The following RANBP3 variants were observed in gnomAD, a reference collection of about 807,000 sequenced individuals.
The protein encoded by RANBP3 is RAN binding protein 3.
Under a neutral mutation model 77.3 loss-of-function variants are expected in RANBP3, and 14 were observed. The ratio of observed to expected loss-of-function variants is 0.18; its 90% CI spans 0.12 to 0.28. RANBP3 has a LOEUF of 0.28. Among genes scored for constraint, RANBP3 ranks in the 10% least tolerant of loss-of-function variants. The pLI is 1.00. For missense variants in RANBP3, 586 were observed against 752.3 expected (o/e 0.78, Z 2.59); for synonymous variants, 315 against 312.4 (o/e 1.01, Z -0.09).
intron 1 of RANBP3, among the ~76,000 whole-genome samples, chr19:5,973,316 C>T (rs575780932): frequency 2.0e-5 from 3 of 152,316 alleles, no homozygotes; most frequent in African/African-American, 4.8e-5. Flanking sequence ...AAAAATCTCT[C>T]GACTCATACC....
chr19:5,921,065 A>G lies in RANBP3; in HGVS notation c.1330+136T>C. ...GGAGGGGGTTTGGGGGGCGGCTCTC[A>G]TGGGAGACCGACTCTGTGCCTTGAC... On this transcript the variant is annotated intron_variant, in intron 14 of 16. Transcript: ENST00000340578. The surrounding 1 kb of genome is among the most constrained non-coding windows in gnomAD (Gnocchi z 5.3). 8.4e-7 allele frequency: 1 copy of G among 1,185,358 alleles called. No homozygotes were observed. Among genetic ancestry groups the G allele is most frequent in the Non-Finnish European group, 1.1e-6 (1 of 876,882 alleles). 73.4% of individuals were successfully genotyped at this position (1,185,358 alleles called of 1,614,324 possible). A position where few individuals can be genotyped will look rare whatever the true frequency, so the allele number is the denominator to read the frequency against.
At chr19:5,934,409 T>C (rs1452610084) in intron 5 of RANBP3, 1 of 152,220 alleles carries the variant, frequency 6.6e-6, no homozygotes, top group African/African-American at 2.4e-5. Context: ...AAGATCAATA[T>C]ACAAAAATCG....
At position 5,922,555 on chromosome 19, in the gene RANBP3, A is replaced by AGGAT. The variant is rs529959859; in HGVS notation, c.1209+635_1209+638dup. Among the ~76,000 whole-genome samples the AGGAT allele has an allele frequency of 7.9e-5, 12 of 152,366 alleles. No individual in the cohort carries two copies. In the East Asian group the frequency reaches 2.1e-3, roughly 27 times the overall value. ...GATCTTTTCCCTACGAAGACACCAC[A>AGGAT]GGATGCCAGGTGACAAATAATACAG... On this transcript the variant is annotated intron_variant, in intron 13 of 16. Transcript: ENST00000340578.
intron 14 of RANBP3, among the ~76,000 whole-genome samples, chr19:5,920,126 G>T (rs1326586197): frequency 1.3e-5 from 2 of 152,222 alleles, no homozygotes; most frequent in African/African-American, 4.8e-5. Context: ...TCCCAGCGCA[G>T]TGGCCCACGC....
rs1461261612 is a variant in RANBP3, at chr19:5,924,036, G to A, written c.997-122C>T. ...GCCCCCAGCACTCCTGCCCACTCCC[G>A]GTGACACCCTGAACTGCCTGGGAGC... On this transcript the variant is annotated intron_variant, in intron 11 of 16. Transcript: ENST00000340578. This position sits in a 1 kb window ranked among gnomAD's most constrained non-coding sequence, Gnocchi z 4.7. 4.5e-5 allele frequency: 33 copies of A among 732,346 alleles called. No homozygotes were observed. The highest frequency in any genetic ancestry group is 1.9e-4 in the South Asian group (11 of 59,232). 45.4% of individuals were successfully genotyped at this position (732,346 alleles called of 1,614,324 possible). A position where few individuals can be genotyped will look rare whatever the true frequency, so the allele number is the denominator to read the frequency against.
intron 13 of RANBP3, among the ~76,000 whole-genome samples, chr19:5,922,896 T>C (rs2057843797): frequency 6.6e-6 from 1 of 152,186 alleles, no homozygotes; most frequent in Non-Finnish European, 1.5e-5. Context: ...GCCGAGACTG[T>C]GCCACTGTAC....
At chr19:5,969,355 T>C (rs2058504569) in intron 1 of RANBP3, among the ~76,000 whole-genome samples, 2 of 152,230 alleles carry the variant, frequency 1.3e-5, no homozygotes, top group South Asian at 2.1e-4. Context: ...ACTCACGCTC[T>C]GCTCTCACAG....
chr19:5,944,858 C>A (rs549680810), intron 3 of RANBP3, among the ~76,000 whole-genome samples: 2 of 152,212 alleles, frequency 1.3e-5, no homozygotes, highest in African/African-American at 4.8e-5. Flanking sequence ...TTTAATCCAA[C>A]GAGCCTTTCA....
chr19:5,966,985 C>A (rs2058475060), intron 1 of RANBP3, among the ~76,000 whole-genome samples: 1 of 152,228 alleles, frequency 6.6e-6, no homozygotes, highest in Non-Finnish European at 1.5e-5. Flanking sequence ...ACGATCACAA[C>A]CCTTCAAGTC....
rs866658348 is a variant in RANBP3 at position 5,959,664 on chromosome 19, T to C, written c.23-1691A>G. On this transcript the variant is annotated intron_variant, in intron 1 of 16. Transcript: ENST00000340578. The surrounding 1 kb of genome is among the most constrained non-coding windows in gnomAD (Gnocchi z 5.1). ...CTTGACAAACGTGAATGAATGCACCTATGCCAGGCAATAAATGATGTCAAA... is the reference window on the plus strand; with the variant it reads ...CTTGACAAACGTGAATGAATGCACCCATGCCAGGCAATAAATGATGTCAAA... 2.0e-5 allele frequency among the ~76,000 whole-genome samples: 3 copies of C among 152,112 alleles called. No individual in the cohort carries two copies. The highest frequency in any genetic ancestry group is 7.2e-5 in the African/African-American group (3 of 41,408).
In RANBP3 at chr19:5,952,702, G is replaced by A. The variant is rs7259761; in HGVS notation, c.79-1106C>T. ...GGGTTTGGGCACTACTTAAAAAGCAGTGATCCGGGAGGAGGAAAGGAGCTA... is the reference window on the plus strand; with the variant it reads ...GGGTTTGGGCACTACTTAAAAAGCAATGATCCGGGAGGAGGAAAGGAGCTA... On this transcript the variant is annotated intron_variant, in intron 2 of 16. Transcript: ENST00000340578. The surrounding 1 kb of genome is among the most constrained non-coding windows in gnomAD (Gnocchi z 4.1). Among the ~76,000 whole-genome samples, 15,691 of 152,272 alleles carry A rather than the reference G, an allele frequency of 0.1. 1,026 individuals carry two copies. The highest frequency in any genetic ancestry group is 0.18 in the African/African-American group (7,556 of 41,508).
chr19:5,973,797 A>G (rs367672759), intron 1 of RANBP3, among the ~76,000 whole-genome samples: 6 of 152,318 alleles, frequency 3.9e-5, no homozygotes, highest in East Asian at 1.9e-4. Context: ...TAAACAATGT[A>G]TGTGCACTCA....
At chr19:5,942,481 C>T (rs532393767) in intron 3 of RANBP3, among the ~76,000 whole-genome samples, 1 of 152,084 alleles carries the variant, frequency 6.6e-6, no homozygotes, top group Non-Finnish European at 1.5e-5. Context: ...CAACCAGCAA[C>T]CAAGACTTAA....
Position 5,937,294 on chromosome 19 carries a change from C to T in RANBP3, c.407-3815G>A, listed in dbSNP as rs147945772. Among the ~76,000 whole-genome samples, 7 of 152,136 alleles carry T rather than the reference C, an allele frequency of 4.6e-5. No homozygotes were observed. The South Asian group carries it at 8.3e-4, about 18-fold the overall frequency. On this transcript the variant is annotated intron_variant, in intron 5 of 16. Coordinates refer to ENST00000340578, the MANE Select transcript of RANBP3 (RefSeq NM_007322.3). Reference sequence around the variant, plus strand: ...CCCTGATCGAGGAGCACGGCCACCCCGTGCTGGTAAGGGGACAAGTGAGTA... The same window carrying T: ...CCCTGATCGAGGAGCACGGCCACCCTGTGCTGGTAAGGGGACAAGTGAGTA...
At chr19:5,933,736 A>G in intron 5 of RANBP3, 1 of 418,144 alleles carries the variant, frequency 2.4e-6, no homozygotes, top group Admixed American at 4.4e-5. Flanking sequence ...GTGGGGCGTC[A>G]GCCGCCCTCC....
At chr19:5,976,929 C>A (rs1338514926) in intron 1 of RANBP3, among the ~76,000 whole-genome samples, 1 of 152,182 alleles carries the variant, frequency 6.6e-6, no homozygotes, top group Non-Finnish European at 1.5e-5. Flanking sequence ...CTGTGTGACA[C>A]GCCTTGGATA....
At position 5,958,458 on chromosome 19, in the gene RANBP3, C is replaced by T. The variant is rs142039082; in HGVS notation, c.23-485G>A. 1.4e-3 allele frequency among the ~76,000 whole-genome samples: 214 copies of T among 152,362 alleles called. No individual in the cohort carries two copies. Among genetic ancestry groups the T allele is most frequent in the Middle Eastern group, 0.01 (3 of 294 alleles). ...AAGAATCCTAACGCTCAACCTGGAT[C>T]TCTAAGTGAGTGCTGGTTGGGAGGA... On this transcript the variant is annotated intron_variant, in intron 1 of 16. Coordinates refer to ENST00000340578, the MANE Select transcript of RANBP3 (RefSeq NM_007322.3). The surrounding 1 kb of genome is among the most constrained non-coding windows in gnomAD (Gnocchi z 4.4).
intron 1 of RANBP3, among the ~76,000 whole-genome samples, chr19:5,970,012 A>G (rs2058512312): frequency 6.6e-6 from 1 of 152,232 alleles, no homozygotes. Flanking sequence ...ACCCAGGAGT[A>G]ACTTCATCTC....
intron 9 of RANBP3, 99 bp from the exon 10 acceptor site, chr19:5,925,836 C>T (rs556609517): frequency 1.7e-5 from 16 of 960,066 alleles, no homozygotes; most frequent in African/African-American, 6.4e-5. Flanking sequence ...TGGAGCTGCT[C>T]GGAGCCATGA....
Sources: gnomAD v4.1 joint callset for allele counts (sites outside exome capture counted in the v4.1 genomes callset) on GRCh38, gnomAD v4.1.1 for gene constraint, Gnocchi (gnomAD v3.1) non-coding constraint, MANE v1.5 for transcripts, NCBI Gene and HGNC (gene_info 2026-07-23, HGNC 2026-07-21) for gene names.